The following PLLP variants were observed in gnomAD, a reference collection of about 807,000 sequenced individuals.
PLLP encodes the protein plasma membrane proteolipid (plasmolipin).
A neutral mutation model predicts 19.7 loss-of-function variants in PLLP; 15 were observed. That is an observed-to-expected ratio of 0.76 (90% CI 0.51 to 1.17). PLLP has a LOEUF of 1.17. Ranked by LOEUF, PLLP falls within the 50% of genes most tolerant of loss-of-function variation. PLLP has a pLI of 0.00. For synonymous variants in PLLP, 111 were observed against 116.3 expected (o/e 0.95, Z 0.29); for missense variants, 255 against 258.3 (o/e 0.99, Z 0.09).
intron 1 of PLLP, among the ~76,000 whole-genome samples, chr16:57,264,054 C>T (rs1190676052): frequency 6.6e-6 from 1 of 152,118 alleles, no homozygotes. Context: ...GCCGCCAGCC[C>T]CTAGAGCACC....
At chr16:57,277,406 A>G (rs1477513719) in intron 1 of PLLP, among the ~76,000 whole-genome samples, 4 of 152,196 alleles carry the variant, frequency 2.6e-5, no homozygotes. Flanking sequence ...CCTGATCAAC[A>G]TGGTGAAACC....
chr16:57,275,603 CA>C (rs34400512), intron 1 of PLLP, among the ~76,000 whole-genome samples: 2,191 of 22,294 alleles, frequency 0.098, 81 homozygotes, highest in African/African-American at 0.29. Context: ...AGAAATTCAG[CA>C]AAAAAAAAAA....
chr16:57,258,089 G>A (rs2075431383), intron 3 of PLLP, among the ~76,000 whole-genome samples: 1 of 152,004 alleles, frequency 6.6e-6, no homozygotes, highest in Non-Finnish European at 1.5e-5. Flanking sequence ...AAAATTAGCG[G>A]GTGTGGCAGC....
At chr16:57,282,350 C>T (rs945673453) in intron 1 of PLLP, among the ~76,000 whole-genome samples, 4 of 151,880 alleles carry the variant, frequency 2.6e-5, no homozygotes, top group African/African-American at 7.3e-5. Flanking sequence ...ACAAGGGGTC[C>T]TCCTACCTCA....
chr16:57,258,711 C>T, intron 2 of PLLP, 127 bp from the exon 3 acceptor site: 1 of 924,698 alleles, frequency 1.1e-6, no homozygotes, highest in Non-Finnish European at 1.7e-6. Flanking sequence ...CGCTTGAGCC[C>T]AGGAGTTAGA....
intron 3 of PLLP, among the ~76,000 whole-genome samples, chr16:57,258,163 A>T (rs1359238474): frequency 6.6e-6 from 1 of 152,184 alleles, no homozygotes; most frequent in East Asian, 1.9e-4. Context: ...CCCAAGAGGC[A>T]GAGGTTGCAG....
chr16:57,284,596 G>C lies in PLLP; in HGVS notation c.-56C>G. 7.7e-7 allele frequency: 1 copy of C among 1,297,032 alleles called. No homozygotes were observed. The highest frequency in any genetic ancestry group is 2.6e-5 in the South Asian group (1 of 38,836). The allele number at this position is 1,297,032 out of a possible 1,614,324, so 80.3% of individuals were successfully genotyped here. ...CGGCCGCCGTCGCCGCCCCTCCAGC[G>C]GTGGGTGCCGGCTCCCGCGCCGCTT... On this transcript the variant is annotated 5_prime_UTR_variant, in exon 1 of 4. Coordinates refer to ENST00000219207, the MANE Select transcript of PLLP (RefSeq NM_015993.3).
chr16:57,282,240 T>G (rs5019410), intron 1 of PLLP, among the ~76,000 whole-genome samples: 58,108 of 149,164 alleles, frequency 0.39, 12,148 homozygotes, highest in African/African-American at 0.55. Flanking sequence ...TTTTTTTTTT[T>G]TGTGTGTGTG....
chr16:57,281,483 C>A (rs1901217658), intron 1 of PLLP, among the ~76,000 whole-genome samples: 1 of 151,628 alleles, frequency 6.6e-6, no homozygotes, highest in Non-Finnish European at 1.5e-5. Context: ...GCTCAGGATG[C>A]AGCTTCTCCA....
At chr16:57,269,340 C>T (rs1304307476) in intron 1 of PLLP, among the ~76,000 whole-genome samples, 1 of 152,180 alleles carries the variant, frequency 6.6e-6, no homozygotes, top group East Asian at 1.9e-4. Flanking sequence ...CCTTTGTGGG[C>T]TCACTGTGTG....
At chr16:57,284,371 C>A in intron 1 of PLLP, 35 bp downstream of exon 1, 1 of 1,337,698 alleles carries the variant, frequency 7.5e-7, no homozygotes, top group Non-Finnish European at 9.6e-7. Flanking sequence ...ACCGGGAGCC[C>A]CCGGCCAACC....
At chr16:57,273,890 C>T (rs12929104) in intron 1 of PLLP, among the ~76,000 whole-genome samples, 5,000 of 152,314 alleles carry the variant, frequency 0.033, 98 homozygotes, top group Non-Finnish European at 0.045. Flanking sequence ...GGCTATTGCT[C>T]CCTGCTGTGT....
In PLLP at chr16:57,265,311, G is replaced by C. The variant is rs1230605291; in HGVS notation, c.136-3241C>G. ...GAGAGGCCACGAACCCCCAGAGCTG[G>C]GGGGAGGCCAGTGTTCTGAAGGAGA... On this transcript the variant is annotated intron_variant, in intron 1 of 3. Coordinates refer to ENST00000219207, the MANE Select transcript of PLLP (RefSeq NM_015993.3). 3.3e-5 allele frequency among the ~76,000 whole-genome samples: 5 copies of C among 152,372 alleles called. No individual in the cohort carries two copies. The South Asian group carries it at 1.0e-3, about 32-fold the overall frequency.
At chr16:57,274,474 A>G (rs2146447757) in intron 1 of PLLP, among the ~76,000 whole-genome samples, 2 of 152,256 alleles carry the variant, frequency 1.3e-5, no homozygotes, top group Admixed American at 1.3e-4. Flanking sequence ...TTGTTTTGAG[A>G]CAGAATCTTG....
intron 1 of PLLP, among the ~76,000 whole-genome samples, chr16:57,284,100 C>T (rs1170719675): frequency 6.6e-6 from 1 of 152,102 alleles, no homozygotes; most frequent in Non-Finnish European, 1.5e-5. Context: ...GCTTCTGTGG[C>T]CGCTGGTAAC....
chr16:57,265,586 A>C (rs1184093266), intron 1 of PLLP, among the ~76,000 whole-genome samples: 1 of 152,198 alleles, frequency 6.6e-6, no homozygotes, highest in Non-Finnish European at 1.5e-5. Context: ...CCTAGGTCAC[A>C]ATAACCACTC....
chr16:57,262,075 G>A lies in PLLP; in HGVS notation c.136-5C>T, dbSNP rs1223350439. The stretch of plus-strand genomic sequence containing the variant: ...CCACACCAGCAGCCCCAGCACCTAG[G>A]AGGGTCAGACAAGGCAGGATTGGCC... On this transcript the variant is annotated splice_region_variant and splice_polypyrimidine_tract_variant and intron_variant, in intron 1 of 3. Coordinates refer to ENST00000219207, the MANE Select transcript of PLLP (RefSeq NM_015993.3). 1.9e-6 allele frequency: 3 copies of A among 1,613,952 alleles called. No individual in the cohort carries two copies. Among genetic ancestry groups the A allele is most frequent in the African/African-American group, 2.7e-5 (2 of 74,928 alleles).
Position 57,258,511 on chromosome 16 carries a change from A to G in PLLP, c.383T>C (p.Leu128Pro), listed in dbSNP as rs1162929920. The G allele has an allele frequency of 3.7e-6, 6 of 1,613,152 alleles. No homozygotes were observed. Among genetic ancestry groups the G allele is most frequent in the Non-Finnish European group, 2.5e-6 (3 of 1,179,974 alleles). ...AGGCCGGGTGCCCCTCAGGGATGTC[A>G]GGTCAACTGCCGCAGAGCAGGCGAT... ...AFIACSAAVD[L>P]TSLRGTRPYN... The change falls in exon 3 of 4, where the codon CTG becomes CCG. Residue 128 changes from leucine to proline, a missense_variant. Physicochemically the swap from Leu to Pro is moderately conservative, Grantham distance 98. Transcript: ENST00000219207.
intron 1 of PLLP, among the ~76,000 whole-genome samples, chr16:57,272,476 T>C (rs1476635463): frequency 1.3e-5 from 2 of 152,154 alleles, no homozygotes; most frequent in Non-Finnish European, 2.9e-5. Context: ...CCAGCTGCTG[T>C]TGGAAGTATA....
Sources: gnomAD v4.1 joint callset for allele counts (sites outside exome capture counted in the v4.1 genomes callset) on GRCh38, gnomAD v4.1.1 for gene constraint, MANE v1.5 for transcripts, NCBI Gene and HGNC (gene_info 2026-07-23, HGNC 2026-07-21) for gene names.